Variants in PCDH9 observed in about 807,000 individuals in gnomAD.
PCDH9 encodes protocadherin-9.
A neutral mutation model predicts 70.6 loss-of-function variants in PCDH9; 24 were observed. The ratio of observed to expected loss-of-function variants is 0.34; its 90% CI spans 0.25 to 0.48. PCDH9 has a LOEUF of 0.48. PCDH9 is among the 20% of genes least tolerant of loss of function. The probability of loss-of-function intolerance (pLI) is 0.99; values close to 1 mark genes in which losing one functional copy is unlikely to be tolerated. For missense variants in PCDH9, 1,281 were observed against 1,503.6 expected (o/e 0.85, Z 2.45); for synonymous variants, 562 against 558.5 (o/e 1.01, Z -0.09).
At chr13:67,034,565 G>A (rs555619269) in intron 2 of PCDH9, among the ~76,000 whole-genome samples, 72 of 152,070 alleles carry the variant, frequency 4.7e-4, no homozygotes, top group African/African-American at 1.5e-3. Context: ...TACTCACTGC[G>A]CTCTGGGCCA....
intron 4 of PCDH9, among the ~76,000 whole-genome samples, chr13:66,497,598 G>T (rs1424214366): frequency 1.3e-5 from 2 of 152,056 alleles, no homozygotes; most frequent in East Asian, 3.9e-4. Flanking sequence ...GGATGTTAGA[G>T]ATCATATTTC....
intron 3 of PCDH9, among the ~76,000 whole-genome samples, chr13:66,670,532 T>G (rs2078159661): frequency 1.3e-5 from 2 of 152,166 alleles, no homozygotes; most frequent in African/African-American, 4.8e-5. Flanking sequence ...TCCAACTTGG[T>G]GGCATGCAGT....
intron 4 of PCDH9, among the ~76,000 whole-genome samples, chr13:66,307,758 A>T (rs1006631164): frequency 3.3e-5 from 5 of 152,076 alleles, no homozygotes; most frequent in African/African-American, 1.2e-4. Context: ...AGGCTATTTT[A>T]AAATTAGCCT....
intron 4 of PCDH9, among the ~76,000 whole-genome samples, chr13:66,567,390 T>C (rs1052397584): frequency 1.1e-4 from 17 of 152,188 alleles, no homozygotes; most frequent in Non-Finnish European, 2.1e-4. Flanking sequence ...CTTTTTCCTC[T>C]GACACTTGTC....
chr13:66,463,453 G>C (rs1958461222), intron 4 of PCDH9, among the ~76,000 whole-genome samples: 1 of 151,716 alleles, frequency 6.6e-6, no homozygotes, highest in Non-Finnish European at 1.5e-5. Flanking sequence ...AAACAAGACA[G>C]AGCAAGAGAG....
intron 4 of PCDH9, among the ~76,000 whole-genome samples, chr13:66,549,082 C>A (rs1276234914): frequency 6.6e-6 from 1 of 151,996 alleles, no homozygotes; most frequent in Non-Finnish European, 1.5e-5. Flanking sequence ...CCAAGAAATT[C>A]TTTTCCTCTG....
intron 4 of PCDH9, among the ~76,000 whole-genome samples, chr13:66,441,252 G>A (rs1254660253): frequency 4.6e-5 from 7 of 152,122 alleles, no homozygotes; most frequent in African/African-American, 1.2e-4. Context: ...GGCATGGGCC[G>A]AGAAGCTGCA....
chr13:66,788,640 A>G (rs1428047425), intron 3 of PCDH9, among the ~76,000 whole-genome samples: 1 of 145,882 alleles, frequency 6.9e-6, no homozygotes. Flanking sequence ...GTACAAAGCT[A>G]AACAGTAATT....
At chr13:67,052,917 GC>G (rs1484073015) in intron 2 of PCDH9, among the ~76,000 whole-genome samples, 1 of 152,040 alleles carries the variant, frequency 6.6e-6, no homozygotes, top group Non-Finnish European at 1.5e-5. Context: ...TTGATGTGCT[GC>G]AGATATCCAT....
chr13:67,171,522 T>C (rs1187993136), intron 2 of PCDH9, among the ~76,000 whole-genome samples: 2 of 152,254 alleles, frequency 1.3e-5, no homozygotes, highest in Admixed American at 6.5e-5. Flanking sequence ...TTGAGCTATC[T>C]ATGATTTCAT....
chr13:66,950,340 T>C (rs1043996355), intron 2 of PCDH9, among the ~76,000 whole-genome samples: 4 of 152,146 alleles, frequency 2.6e-5, no homozygotes, highest in African/African-American at 9.7e-5. Flanking sequence ...GATGTGAAGC[T>C]TATTCAATCT....
intron 4 of PCDH9, among the ~76,000 whole-genome samples, chr13:66,344,919 C>T (rs1956189486): frequency 6.6e-6 from 1 of 152,158 alleles, no homozygotes; most frequent in Admixed American, 6.6e-5. Flanking sequence ...AAATTAATTG[C>T]AGGGAAAGAA....
intron 3 of PCDH9, among the ~76,000 whole-genome samples, chr13:66,848,788 CAG>C (rs1454561985): frequency 0.011 from 1,616 of 151,994 alleles, 25 homozygotes; most frequent in African/African-American, 0.037. Flanking sequence ...ATTAGCCGGG[CAG>C]GGTGGCGGGC....
At chr13:66,939,628 G>A (rs1026393955) in intron 2 of PCDH9, among the ~76,000 whole-genome samples, 22 of 151,942 alleles carry the variant, frequency 1.4e-4, no homozygotes, top group African/African-American at 4.8e-4. Flanking sequence ...GTAGAGACAC[G>A]GCTGGTCTTG....
chr13:67,173,731 A>G (rs1321551416), intron 2 of PCDH9, among the ~76,000 whole-genome samples: 1 of 152,196 alleles, frequency 6.6e-6, no homozygotes, highest in Non-Finnish European at 1.5e-5. Flanking sequence ...TCGAATTCTA[A>G]GTATTCTTTA....
chr13:66,600,207 G>C (rs1376952531), intron 4 of PCDH9, among the ~76,000 whole-genome samples: 3 of 151,818 alleles, frequency 2.0e-5, no homozygotes, highest in African/African-American at 7.3e-5. Flanking sequence ...TAAAAATACT[G>C]TGTAGGCTTC....
chr13:66,652,764 G>T (rs1450473668), intron 3 of PCDH9, among the ~76,000 whole-genome samples: 3 of 152,012 alleles, frequency 2.0e-5, no homozygotes, highest in Admixed American at 2.0e-4. Flanking sequence ...GCATGGTATT[G>T]GCATGAAAAC....
intron 4 of PCDH9, among the ~76,000 whole-genome samples, chr13:66,367,533 G>A (rs1262587158): frequency 6.6e-6 from 1 of 152,116 alleles, no homozygotes; most frequent in East Asian, 1.9e-4. Context: ...ATCCCTGACT[G>A]ATTCATTGCA....
At chr13:66,575,186 CAT>C (rs1028633307) in intron 4 of PCDH9, among the ~76,000 whole-genome samples, 2 of 151,554 alleles carry the variant, frequency 1.3e-5, no homozygotes, top group African/African-American at 2.4e-5. Flanking sequence ...AAAAAAAATA[CAT>C]ATATATATAT....
Sources: gnomAD v4.1 joint callset for allele counts (sites outside exome capture counted in the v4.1 genomes callset) on GRCh38, gnomAD v4.1.1 for gene constraint, MANE v1.5 for transcripts, NCBI Gene and HGNC (gene_info 2026-07-23, HGNC 2026-07-21) for gene names.